Variants in ASTN2 observed in about 807,000 individuals in gnomAD.
ASTN2 encodes the protein astrotactin-2.
In ASTN2, 54 loss-of-function variants were observed where a neutral mutation model predicts 139.8. The observed-to-expected ratio is 0.39, with a 90% CI of 0.31 to 0.48. The LOEUF (loss-of-function observed/expected upper bound fraction) is 0.48. ASTN2 is among the 20% of genes least tolerant of loss of function. The probability of loss-of-function intolerance (pLI) is 0.95; values close to 1 mark genes in which losing one functional copy is unlikely to be tolerated. For synonymous variants in ASTN2, 756 were observed against 719.5 expected (o/e 1.05, Z -0.81); for missense variants, 1,565 against 1,725.1 (o/e 0.91, Z 1.64).
At chr9:116,555,825 G>A (rs940288559) in intron 19 of ASTN2, among the ~76,000 whole-genome samples, 5 of 152,158 alleles carry the variant, frequency 3.3e-5, no homozygotes, top group Admixed American at 1.3e-4. Context: ...GATAGGCCTC[G>A]GGGTGCAGAG....
In ASTN2 at chr9:117,208,405, GA is replaced by G. The variant is rs200181750; in HGVS notation, c.1015+5952del. The stretch of plus-strand genomic sequence containing the variant: ...CTTCAACAATAGACTAGGGCAAGCA[GA>G]AAAAAAAATCTAAACTTGAAGACAG... On this transcript the variant is annotated intron_variant, in intron 3 of 22. Transcript: ENST00000313400. Among the ~76,000 whole-genome samples, 82 of 147,112 alleles carry G rather than the reference GA, an allele frequency of 5.6e-4. No homozygotes were observed. The East Asian group carries it at 6.6e-3, about 12-fold the overall frequency.
At chr9:117,393,368 A>G (rs1476247752) in intron 1 of ASTN2, among the ~76,000 whole-genome samples, 1 of 152,228 alleles carries the variant, frequency 6.6e-6, no homozygotes, top group Non-Finnish European at 1.5e-5. Flanking sequence ...AGACAGACAC[A>G]CAAACACACA....
chr9:116,795,320 T>C (rs1830662733), intron 13 of ASTN2, among the ~76,000 whole-genome samples: 1 of 152,254 alleles, frequency 6.6e-6, no homozygotes, highest in South Asian at 2.1e-4. Flanking sequence ...GGTGGGAGAT[T>C]AGCACACCAC....
chr9:116,777,093 T>A (rs114967241), intron 13 of ASTN2, among the ~76,000 whole-genome samples: 2,017 of 152,212 alleles, frequency 0.013, 39 homozygotes, highest in African/African-American at 0.046. Context: ...CTGTGTGAAT[T>A]TGTGTTGTTA....
chr9:116,688,649 C>CT (rs1003638843), intron 16 of ASTN2, among the ~76,000 whole-genome samples: 28 of 152,272 alleles, frequency 1.8e-4, no homozygotes, highest in African/African-American at 6.5e-4. Context: ...CCCCGGCCCA[C>CT]TGAAAGTGGT....
intron 3 of ASTN2, among the ~76,000 whole-genome samples, chr9:117,199,215 A>C (rs574280103): frequency 1.3e-5 from 2 of 152,250 alleles, no homozygotes; most frequent in South Asian, 4.1e-4. Flanking sequence ...CCATGCCTAT[A>C]TCCTGAATGG....
intron 11 of ASTN2, among the ~76,000 whole-genome samples, chr9:116,835,024 A>G (rs1831942210): frequency 6.6e-6 from 1 of 152,208 alleles, no homozygotes. Flanking sequence ...ACTCCAGACG[A>G]CAGAGCAAAA....
At position 117,023,433 on chromosome 9, in the gene ASTN2, G is replaced by T. The variant is rs113788970; in HGVS notation, c.1424-15174C>A. Among the ~76,000 whole-genome samples the T allele has an allele frequency of 5.9e-3, 892 of 152,188 alleles. 5 individuals are homozygous for T. Among genetic ancestry groups the T allele is most frequent in the African/African-American group, 0.02 (831 of 41,530 alleles). On this transcript the variant is annotated intron_variant, in intron 6 of 22. Transcript: ENST00000313400. The stretch of plus-strand genomic sequence containing the variant: ...TGTTCCTTTAAATGTCGTTTTCTCA[G>T]AGAGATCTTCCCTGACCAGCATATC...
intron 1 of ASTN2, among the ~76,000 whole-genome samples, chr9:117,363,636 A>G (rs960994830): frequency 3.9e-5 from 6 of 152,162 alleles, no homozygotes; most frequent in Admixed American, 2.0e-4. Context: ...AGGGCCTCAG[A>G]GAAGGTGGCA....
At chr9:116,738,946 AT>A (rs1190224015) in intron 13 of ASTN2, among the ~76,000 whole-genome samples, 1 of 152,156 alleles carries the variant, frequency 6.6e-6, no homozygotes. Flanking sequence ...TCAAGAAAGC[AT>A]TTTTGAGAGA....
chr9:116,528,085 C>G (rs886723181), intron 19 of ASTN2, among the ~76,000 whole-genome samples: 1 of 152,146 alleles, frequency 6.6e-6, no homozygotes, highest in African/African-American at 2.4e-5. Flanking sequence ...AAGGGGGTAA[C>G]AGGCAGAAGT....
At chr9:116,729,429 C>A (rs1828719454) in intron 14 of ASTN2, among the ~76,000 whole-genome samples, 1 of 152,206 alleles carries the variant, frequency 6.6e-6, no homozygotes, top group Admixed American at 6.5e-5. Context: ...CCACATCTGA[C>A]ACTGTAGCTC....
intron 19 of ASTN2, among the ~76,000 whole-genome samples, chr9:116,519,398 C>T (rs1198158407): frequency 6.6e-6 from 1 of 151,912 alleles, no homozygotes; most frequent in Non-Finnish European, 1.5e-5. Context: ...TAGCCTGCTC[C>T]TGAATGATCA....
intron 5 of ASTN2, among the ~76,000 whole-genome samples, chr9:117,073,277 G>A (rs529961992): frequency 6.6e-6 from 1 of 151,958 alleles, no homozygotes; most frequent in Non-Finnish European, 1.5e-5. Context: ...AACTCATTCC[G>A]CTCAGCTTCC....
chr9:117,008,130 G>A lies in ASTN2; in HGVS notation c.1553C>T (p.Thr518Met), dbSNP rs757402722. The change falls in exon 7 of 23, where the codon ACG becomes ATG. Residue 518 changes from threonine (T) to methionine (M), a missense_variant. Thr to Met is a moderately conservative substitution (Grantham distance 81). Coordinates refer to ENST00000313400, the MANE Select transcript of ASTN2 (RefSeq NM_001365068.1). Reference protein sequence around the residue: ...PWVRDLCGQRTTDACEQLCDP... With the variant: ...PWVRDLCGQRMTDACEQLCDP... ...GCAGAGCTGCTCACAGGCATCTGTC[G>A]TCCTTTGTCCACAGAGGTCCCTCAC... is the stretch of plus-strand genomic sequence containing the variant. 53 of 1,608,432 alleles carry A rather than the reference G, an allele frequency of 3.3e-5. No homozygotes were observed. Among genetic ancestry groups the A allele is most frequent in the South Asian group, 1.2e-4 (11 of 90,064 alleles).
intron 12 of ASTN2, among the ~76,000 whole-genome samples, chr9:116,807,425 C>T (rs1157478374): frequency 6.6e-6 from 1 of 152,202 alleles, no homozygotes; most frequent in Non-Finnish European, 1.5e-5. Flanking sequence ...TTGCTTTCCC[C>T]TAATCCCTGG....
At chr9:117,310,068 C>T (rs1428404280) in intron 1 of ASTN2, among the ~76,000 whole-genome samples, 5 of 152,040 alleles carry the variant, frequency 3.3e-5, no homozygotes, top group Admixed American at 6.6e-5. Flanking sequence ...GGTGTGCAGC[C>T]AATACTGTCT....
intron 1 of ASTN2, among the ~76,000 whole-genome samples, chr9:117,303,566 C>G (rs1834928501): frequency 3.3e-5 from 5 of 152,210 alleles, no homozygotes; most frequent in Admixed American, 3.3e-4. Context: ...ACTGAGCTCT[C>G]CTGTGCCTTG....
intron 19 of ASTN2, among the ~76,000 whole-genome samples, chr9:116,518,157 G>A (rs1850725662): frequency 6.6e-6 from 1 of 152,222 alleles, no homozygotes; most frequent in East Asian, 1.9e-4. Flanking sequence ...AACTCAAAGA[G>A]CACCTGGGAA....
Sources: allele counts gnomAD v4.1 joint callset (sites outside exome capture counted in the v4.1 genomes callset), GRCh38; gene constraint gnomAD v4.1.1; transcripts MANE v1.5; gene names NCBI Gene and HGNC (gene_info 2026-07-23, HGNC 2026-07-21).